HDAC9: variants seen among roughly 807,000 people sequenced by gnomAD.
HDAC9 encodes the protein MEF-2 interacting transcription repressor (MITR) protein.
HDAC9 carries 41 observed loss-of-function variants against 139.4 expected under a neutral mutation model. The observed-to-expected ratio is 0.29, with a 90% CI of 0.23 to 0.38. The LOEUF (loss-of-function observed/expected upper bound fraction) is 0.38, where lower values mean the gene tolerates loss of function less well. HDAC9 is among the 10% of genes least tolerant of loss of function. HDAC9 has a pLI of 1.00. For missense variants in HDAC9, 1,147 were observed against 1,297.0 expected (o/e 0.88, Z 1.78); for synonymous variants, 517 against 476.2 (o/e 1.09, Z -1.12).
chr7:18,946,904 A>T (rs139695868), intron 23 of HDAC9, among the ~76,000 whole-genome samples: 3 of 152,178 alleles, frequency 2.0e-5, no homozygotes, highest in African/African-American at 4.8e-5. Flanking sequence ...AATAGACCGT[A>T]TATGGAGCAT....
intron 1 of HDAC9, among the ~76,000 whole-genome samples, chr7:18,106,874 C>A (rs548190024): frequency 2.0e-5 from 3 of 152,114 alleles, no homozygotes; most frequent in Admixed American, 6.5e-5. Context: ...TTTTTATACA[C>A]CAGTGCTGGA....
chr7:18,170,888 C>T (rs544606104), intron 2 of HDAC9, among the ~76,000 whole-genome samples: 1 of 152,222 alleles, frequency 6.6e-6, no homozygotes, highest in African/African-American at 2.4e-5. Context: ...GTGATGCCTC[C>T]AGCTTTGTTC....
At chr7:18,620,891 G>A (rs369479964) in intron 6 of HDAC9, among the ~76,000 whole-genome samples, 4 of 152,062 alleles carry the variant, frequency 2.6e-5, no homozygotes, top group East Asian at 1.9e-4. Context: ...TGTGATAAAC[G>A]TTAAGAATTA....
intron 25 of HDAC9, 96 bp from the exon 26 acceptor site, chr7:18,995,925 CAG>C (rs1786427126): frequency 2.4e-6 from 2 of 833,430 alleles, no homozygotes; most frequent in Non-Finnish European, 3.9e-6. Flanking sequence ...AAATAAACAT[CAG>C]AGAGAGCTGA....
At chr7:18,740,891 G>T (rs774779808) in intron 13 of HDAC9, among the ~76,000 whole-genome samples, 2 of 152,178 alleles carry the variant, frequency 1.3e-5, no homozygotes, top group Non-Finnish European at 2.9e-5. Context: ...GAGAGTTTTA[G>T]TGGTCTTGGT....
chr7:18,520,575 C>T (rs1304805714), intron 2 of HDAC9, among the ~76,000 whole-genome samples: 1 of 152,144 alleles, frequency 6.6e-6, no homozygotes, highest in Non-Finnish European at 1.5e-5. Context: ...TTCTCAACTG[C>T]CCTTCTGTTG....
At chr7:18,955,028 T>G (rs1447315580) in intron 24 of HDAC9, among the ~76,000 whole-genome samples, 1 of 152,088 alleles carries the variant, frequency 6.6e-6, no homozygotes, top group Non-Finnish European at 1.5e-5. Context: ...ATATAGGAAC[T>G]AAAAATAATT....
chr7:18,780,043 G>T (rs1184331442), intron 16 of HDAC9, among the ~76,000 whole-genome samples: 1 of 151,990 alleles, frequency 6.6e-6, no homozygotes, highest in African/African-American at 2.4e-5. Context: ...CAACTCTAAA[G>T]TGCAGATTCC....
At chr7:18,347,397 T>A (rs1782498830) in intron 1 of HDAC9, among the ~76,000 whole-genome samples, 1 of 152,142 alleles carries the variant, frequency 6.6e-6, no homozygotes, top group African/African-American at 2.4e-5. Context: ...GGAGGATGTT[T>A]TTCATAATGA....
At chr7:18,367,067 T>C (rs1784239869) in intron 1 of HDAC9, among the ~76,000 whole-genome samples, 1 of 152,126 alleles carries the variant, frequency 6.6e-6, no homozygotes, top group Non-Finnish European at 1.5e-5. Flanking sequence ...TCTTTCAGAA[T>C]ATACATCAAA....
chr7:18,209,993 C>G (rs559048079), intron 2 of HDAC9, among the ~76,000 whole-genome samples: 51 of 150,686 alleles, frequency 3.4e-4, no homozygotes, highest in Non-Finnish European at 6.1e-4. Context: ...AGCCACCGCG[C>G]CCGGCCAAGA....
chr7:18,260,323 G>GTT (rs368857394), intron 2 of HDAC9, among the ~76,000 whole-genome samples: 1,440 of 115,702 alleles, frequency 0.012, 31 homozygotes, highest in Non-Finnish European at 0.02. Context: ...TTTTTTTTTT[G>GTT]TTTTTTTTTT....
At chr7:18,333,711 C>T (rs1322350759) in intron 1 of HDAC9, among the ~76,000 whole-genome samples, 1 of 151,186 alleles carries the variant, frequency 6.6e-6, no homozygotes, top group Non-Finnish European at 1.5e-5. Context: ...CCCAGCAAAT[C>T]ATTTAGGTAT....
intron 8 of HDAC9, among the ~76,000 whole-genome samples, chr7:18,643,878 C>T (rs1046252868): frequency 6.6e-6 from 1 of 151,868 alleles, no homozygotes; most frequent in Non-Finnish European, 1.5e-5. Context: ...TCTAATAAGA[C>T]CTTTGTAACT....
At chr7:18,777,961 G>A (rs1790920703) in intron 16 of HDAC9, among the ~76,000 whole-genome samples, 11 of 151,856 alleles carry the variant, frequency 7.2e-5, no homozygotes. Context: ...TAATCCCAGA[G>A]GTTTTATTGC....
At chr7:18,626,211 A>C (rs1157151726) in intron 6 of HDAC9, among the ~76,000 whole-genome samples, 1 of 152,136 alleles carries the variant, frequency 6.6e-6, no homozygotes, top group Non-Finnish European at 1.5e-5. Context: ...AGTGGCTTCC[A>C]GAGGGAGATG....
intron 25 of HDAC9, among the ~76,000 whole-genome samples, chr7:18,991,422 C>G (rs533128256): frequency 1.3e-5 from 2 of 152,104 alleles, no homozygotes; most frequent in South Asian, 4.1e-4. Flanking sequence ...GGGCAGATCA[C>G]GAGGTCAGAT....
chr7:18,557,156 A>G (rs948180733), intron 2 of HDAC9, among the ~76,000 whole-genome samples: 3 of 151,980 alleles, frequency 2.0e-5, no homozygotes, highest in East Asian at 1.9e-4. Flanking sequence ...CAGGAATTGT[A>G]TGATTGTGGT....
chr7:18,617,947 A>G (rs116904069), intron 6 of HDAC9, among the ~76,000 whole-genome samples: 2,788 of 152,286 alleles, frequency 0.018, 37 homozygotes, highest in Non-Finnish European at 0.03. Context: ...GTAACTGGGT[A>G]AATCAGAAGA....
Sources: allele counts gnomAD v4.1 joint callset (sites outside exome capture counted in the v4.1 genomes callset), GRCh38; gene constraint gnomAD v4.1.1; transcripts MANE v1.5; gene names NCBI Gene and HGNC (gene_info 2026-07-23, HGNC 2026-07-21).